The following WWOX variants were observed in gnomAD, a reference collection of about 807,000 sequenced individuals.
The protein encoded by WWOX is WW domain-containing oxidoreductase.
In WWOX, 69 loss-of-function variants were observed where a neutral mutation model predicts 46.2. The observed-to-expected ratio is 1.49, with a 90% confidence interval of 1.23 to 1.82. The LOEUF is 1.82. Among genes scored for constraint, WWOX ranks in the 40% most tolerant of loss-of-function variants. The pLI, the probability that WWOX is intolerant of heterozygous loss-of-function variation, is 0.00. For missense variants in WWOX, 919 were observed against 542.6 expected (o/e 1.69, Z -6.89); for synonymous variants, 359 against 202.6 (o/e 1.77, Z -6.56).
At chr16:78,858,637 CTTTTTTCTTTA>C (rs1410394816) in intron 8 of WWOX, among the ~76,000 whole-genome samples, 1 of 151,862 alleles carries the variant, frequency 6.6e-6, no homozygotes, top group Non-Finnish European at 1.5e-5. Flanking sequence ...AATTTTCTTT[CTTTTTTCTTTA>C]CCTGTCATGT....
At chr16:79,039,809 C>T (rs549439440) in intron 8 of WWOX, among the ~76,000 whole-genome samples, 1 of 152,276 alleles carries the variant, frequency 6.6e-6, no homozygotes, top group South Asian at 2.1e-4. Context: ...TTTTTGCGTG[C>T]TCTTCTGTCT....
chr16:78,829,515 A>G (rs1427378766), intron 8 of WWOX, among the ~76,000 whole-genome samples: 1 of 152,184 alleles, frequency 6.6e-6, no homozygotes, highest in African/African-American at 2.4e-5. Flanking sequence ...TTAGTCAGAT[A>G]TCTGGGCACT....
chr16:79,200,437 C>T (rs1446919741), intron 8 of WWOX, among the ~76,000 whole-genome samples: 2 of 152,136 alleles, frequency 1.3e-5, no homozygotes, highest in South Asian at 2.1e-4. Flanking sequence ...GAACCCAGAC[C>T]TCAGTTTGAA....
intron 8 of WWOX, among the ~76,000 whole-genome samples, chr16:79,043,361 C>T (rs1028901583): frequency 3.9e-5 from 6 of 152,186 alleles, no homozygotes; most frequent in East Asian, 3.9e-4. Flanking sequence ...AATTTTTCTG[C>T]AGGAAATTTT....
chr16:78,939,269 A>G (rs1049736900), intron 8 of WWOX, among the ~76,000 whole-genome samples: 1 of 152,218 alleles, frequency 6.6e-6, no homozygotes, highest in Non-Finnish European at 1.5e-5. Flanking sequence ...GATGAAAGGC[A>G]GTACCTGGTC....
chr16:79,081,019 G>A (rs2048750965), intron 8 of WWOX, among the ~76,000 whole-genome samples: 2 of 152,062 alleles, frequency 1.3e-5, no homozygotes, highest in Non-Finnish European at 2.9e-5. Flanking sequence ...CACCCACCAG[G>A]CTCTTCTTTA....
At chr16:78,354,702 G>A (rs1205127499) in intron 5 of WWOX, among the ~76,000 whole-genome samples, 1 of 69,140 alleles carries the variant, frequency 1.4e-5, no homozygotes, top group Non-Finnish European at 3.5e-5. Context: ...CTTAAACTAG[G>A]TAAACTGTTT....
At chr16:78,312,525 C>T (rs1405154870) in intron 5 of WWOX, among the ~76,000 whole-genome samples, 1 of 152,026 alleles carries the variant, frequency 6.6e-6, no homozygotes, top group African/African-American at 2.4e-5. Context: ...CAGGTGCCTG[C>T]CACCATGCCC....
intron 6 of WWOX, among the ~76,000 whole-genome samples, chr16:78,420,705 T>C (rs971484646): frequency 2.6e-5 from 4 of 151,694 alleles, no homozygotes; most frequent in Non-Finnish European, 5.9e-5. Flanking sequence ...AATGTAGTTA[T>C]GGTTGTACAA....
intron 8 of WWOX, among the ~76,000 whole-genome samples, chr16:78,806,636 A>G (rs1001162465): frequency 6.6e-6 from 1 of 152,100 alleles, no homozygotes; most frequent in South Asian, 2.1e-4. Flanking sequence ...CTGGGTTCCA[A>G]GGGTGAGCGT....
chr16:78,537,640 T>C (rs1055411261), intron 8 of WWOX, among the ~76,000 whole-genome samples: 1 of 152,158 alleles, frequency 6.6e-6, no homozygotes, highest in African/African-American at 2.4e-5. Flanking sequence ...AGAGCTTGGT[T>C]GTGATGTTGT....
At chr16:78,689,210 G>A (rs2047931049) in intron 8 of WWOX, among the ~76,000 whole-genome samples, 1 of 152,308 alleles carries the variant, frequency 6.6e-6, no homozygotes, top group East Asian at 1.9e-4. Flanking sequence ...TGGCAGTAGT[G>A]ACCTTGTTGA....
rs969729488 is a variant in WWOX at position 78,339,693 on chromosome 16, G to A, written c.517-47167G>A. 2.5e-4 allele frequency among the ~76,000 whole-genome samples: 29 copies of A among 117,648 alleles called. 12 individuals carry two copies. The highest frequency in any genetic ancestry group is 3.6e-4 in the Non-Finnish European group (18 of 49,462). 77.2% of individuals were successfully genotyped at this position (117,648 alleles called of 152,430 possible). ...CCATCCTCATTTTATTCATTGTTAGGGATAGAATTACAGATTTAAAATCAA... is the reference window on the plus strand; with the variant it reads ...CCATCCTCATTTTATTCATTGTTAGAGATAGAATTACAGATTTAAAATCAA... On this transcript the variant is annotated intron_variant, in intron 5 of 8. Coordinates refer to ENST00000566780, the MANE Select transcript of WWOX (RefSeq NM_016373.4).
chr16:78,581,870 C>T (rs561766972), intron 8 of WWOX, among the ~76,000 whole-genome samples: 6 of 152,094 alleles, frequency 3.9e-5, no homozygotes, highest in Admixed American at 6.6e-5. Flanking sequence ...TCGGGTTTGT[C>T]ATCCTCTATT....
chr16:79,011,128 C>G lies in WWOX; in HGVS notation c.1057-200480C>G, dbSNP rs567344315. ...ATGTATGGTTACATATCTACTCACTCACACATCCACACACACACACACACA... is the reference window on the plus strand; with the variant it reads ...ATGTATGGTTACATATCTACTCACTGACACATCCACACACACACACACACA... On this transcript the variant is annotated intron_variant, in intron 8 of 8. Transcript: ENST00000566780. Among the ~76,000 whole-genome samples the G allele has an allele frequency of 7.9e-3, 809 of 102,946 alleles. 5 individuals are homozygous for G. Among genetic ancestry groups the G allele is most frequent in the African/African-American group, 0.031 (777 of 25,130 alleles). 67.5% of individuals were successfully genotyped at this position (102,946 alleles called of 152,430 possible).
chr16:78,466,627 C>T (rs374834066), intron 8 of WWOX, among the ~76,000 whole-genome samples: 1 of 151,928 alleles, frequency 6.6e-6, no homozygotes, highest in Non-Finnish European at 1.5e-5. Context: ...GTCAGGAGTT[C>T]GAGATCAGCC....
At chr16:78,609,690 C>T (rs2045852189) in intron 8 of WWOX, among the ~76,000 whole-genome samples, 1 of 152,138 alleles carries the variant, frequency 6.6e-6, no homozygotes, top group Admixed American at 6.5e-5. Context: ...AGTTTGCATT[C>T]TGCCTTGCCT....
chr16:78,715,298 G>A (rs189044125), intron 8 of WWOX, among the ~76,000 whole-genome samples: 1 of 152,298 alleles, frequency 6.6e-6, no homozygotes, highest in East Asian at 1.9e-4. Flanking sequence ...GGCAATTGCT[G>A]TCACTGGTCC....
intron 8 of WWOX, among the ~76,000 whole-genome samples, chr16:78,609,367 G>C (rs973830742): frequency 1.3e-5 from 2 of 151,920 alleles, no homozygotes; most frequent in Non-Finnish European, 2.9e-5. Flanking sequence ...GCTCAGAGAG[G>C]AAACACTGAA....
Sources: gnomAD v4.1 joint callset for allele counts (sites outside exome capture counted in the v4.1 genomes callset) on GRCh38, gnomAD v4.1.1 for gene constraint, MANE v1.5 for transcripts, NCBI Gene and HGNC (gene_info 2026-07-23, HGNC 2026-07-21) for gene names.